ILK: variants seen among roughly 807,000 people sequenced by gnomAD.
ILK encodes integrin linked kinase.
In ILK, 37 loss-of-function variants were observed where a neutral mutation model predicts 57.8. The observed-to-expected ratio is 0.64, with a 90% CI of 0.49 to 0.84. ILK has a LOEUF of 0.84. ILK is among the 40% of genes least tolerant of loss of function. ILK has a pLI of 0.00. For missense variants in ILK, 528 were observed against 595.7 expected (o/e 0.89, Z 1.18); for synonymous variants, 231 against 202.2 (o/e 1.14, Z -1.21).
intron 2 of ILK, 41 bp downstream of exon 2, chr11:6,604,401 T>A (rs776853826): frequency 1.3e-6 from 2 of 1,536,466 alleles, no homozygotes; most frequent in African/African-American, 2.7e-5. Flanking sequence ...AGGCTAGAGA[T>A]CTCCTGGCTA....
At chr11:6,607,702 A>G in intron 2 of ILK, 1 of 352,644 alleles carries the variant, frequency 2.8e-6, no homozygotes, top group Non-Finnish European at 5.4e-6. Context: ...AAGTAGGGGG[A>G]CATATAAGAT....
rs1009043483 is a variant in ILK at position 6,604,080 on chromosome 11, C to T, written c.-92-100C>T. ...TTACCTCGCGTCTAGAGGACACAGC[C>T]AGGGATCATCCCGCAGCCCCGAACT... On this transcript the variant is annotated intron_variant, in intron 1 of 12. Coordinates refer to ENST00000299421, the MANE Select transcript of ILK (RefSeq NM_004517.4). The T allele has an allele frequency of 3.7e-5, 24 of 645,878 alleles. 1 individual carries two copies. The highest frequency in any genetic ancestry group is 1.4e-4 in the African/African-American group (8 of 55,958). 40.0% of individuals were successfully genotyped at this position (645,878 alleles called of 1,614,324 possible).
chr11:6,610,591 G>A lies in ILK; in HGVS notation c.1339G>A (p.Glu447Lys). The A allele has an allele frequency of 1.2e-6, 2 of 1,614,200 alleles. No homozygotes were observed. Among genetic ancestry groups the A allele is most frequent in the East Asian group, 2.2e-5 (1 of 44,888 alleles). The change falls in exon 13 of 13, where the codon GAG becomes AAG. Residue 447 changes from glutamate to lysine, a missense_variant. Transcript: ENST00000299421. ...ATTTGACATGATTGTGCCTATCCTT[G>A]AGAAGATGCAGGACAAGTAGGACTG... ...PKFDMIVPIL[E>K]KMQDK
Position 6,608,598 on chromosome 11 carries a change from T to TA in ILK, c.352-95dup. The TA allele has an allele frequency of 7.4e-7, 1 of 1,345,910 alleles. No homozygotes were observed. The highest frequency in any genetic ancestry group is 1.1e-6 in the Non-Finnish European group (1 of 935,518). 83.4% of individuals were successfully genotyped at this position (1,345,910 alleles called of 1,614,324 possible). ...TCTGTCAGTACTACTGTGTGACACT[T>TA]ACAGGATTAAGTTCTACATTTGTGC... On this transcript the variant is annotated intron_variant, in intron 4 of 12. Coordinates refer to ENST00000299421, the MANE Select transcript of ILK (RefSeq NM_004517.4). The surrounding 1 kb of genome is among the most constrained non-coding windows in gnomAD (Gnocchi z 4.9).
At chr11:6,605,356 A>G (rs1854770075) in intron 2 of ILK, among the ~76,000 whole-genome samples, 1 of 151,760 alleles carries the variant, frequency 6.6e-6, no homozygotes, top group South Asian at 2.1e-4. Flanking sequence ...ACGACAGAAA[A>G]GGAGCAACCG....
In ILK at chr11:6,603,796, G is replaced by A. The variant is rs374681833; in HGVS notation, c.-119G>A. The stretch of plus-strand genomic sequence containing the variant: ...GGCGCGGCCGGACGGGAGTTCCCCG[G>A]AGAAGGATCCTGCAGCCCGAGTCCC... On this transcript the variant is annotated 5_prime_UTR_variant, in exon 1 of 13. Transcript: ENST00000299421. 5.5e-6 allele frequency: 2 copies of A among 364,360 alleles called. No individual in the cohort carries two copies. The highest frequency in any genetic ancestry group is 4.9e-5 in the South Asian group (1 of 20,346). The allele number at this position is 364,360 out of a possible 1,614,324, so 22.6% of individuals were successfully genotyped here.
At position 6,609,544 on chromosome 11, in the gene ILK, TAG is replaced by T. The variant is rs1371220237; in HGVS notation, c.762_763del (p.Gly255CysfsTer28). Reference sequence around the variant, plus strand: ...TCGCATCCAAATGTGCTCCCAGTGCTAGGTGCCTGCCAGTCTCCACCTGCTCC... The same window carrying T: ...TCGCATCCAAATGTGCTCCCAGTGCTGTGCCTGCCAGTCTCCACCTGCTCC... On this transcript the variant is annotated frameshift_variant, in exon 9 of 13. Transcript: ENST00000299421. LOFTEE classifies it high-confidence loss of function. 1 of 1,614,064 alleles carries T rather than the reference TAG, an allele frequency of 6.2e-7. No homozygotes were observed. Among genetic ancestry groups the T allele is most frequent in the African/African-American group, 1.3e-5 (1 of 74,936 alleles).
chr11:6,604,440 TGGC>T, intron 2 of ILK, 80 bp downstream of exon 2: 1 of 1,318,748 alleles, frequency 7.6e-7, no homozygotes, highest in Non-Finnish European at 1.1e-6. Context: ...TGTCTGGTGG[TGGC>T]GGCTGCCTTT....
At chr11:6,603,849 T>A in intron 1 of ILK, 27 bp downstream of exon 1, 1 of 352,940 alleles carries the variant, frequency 2.8e-6, no homozygotes, top group South Asian at 4.1e-5. Context: ...CCGCGCCCCC[T>A]GTCACCCCTC....
In ILK at chr11:6,603,902, G is replaced by A. The variant is rs1488293859; in HGVS notation, c.-93+80G>A. On this transcript the variant is annotated intron_variant, in intron 1 of 12. Coordinates refer to ENST00000299421, the MANE Select transcript of ILK (RefSeq NM_004517.4). ...AGTAAGGAACGGAGCCAACCCTGGG[G>A]AGGACCCCCGGTCCCCTCTCCCAGA... The A allele has an allele frequency of 1.2e-5, 5 of 433,534 alleles. No individual in the cohort carries two copies. In the East Asian group the frequency reaches 1.8e-4, roughly 15 times the overall value. The allele number at this position is 433,534 out of a possible 1,614,324, so 26.9% of individuals were successfully genotyped here. A position where few individuals can be genotyped will look rare whatever the true frequency, so the allele number is the denominator to read the frequency against.
rs991236238 is a variant in ILK, at chr11:6,608,580, G to A, written c.351+91G>A. On this transcript the variant is annotated intron_variant, in intron 4 of 12. Coordinates refer to ENST00000299421, the MANE Select transcript of ILK (RefSeq NM_004517.4). This position sits in a 1 kb window ranked among gnomAD's most constrained non-coding sequence, Gnocchi z 4.9. ...TTGGAACCCTCAACCCATTCTGTCA[G>A]TACTACTGTGTGACACTTACAGGAT... 1.2e-5 allele frequency: 16 copies of A among 1,333,062 alleles called. No homozygotes were observed. Among genetic ancestry groups the A allele is most frequent in the African/African-American group, 2.9e-5 (2 of 69,350 alleles). 82.6% of individuals were successfully genotyped at this position (1,333,062 alleles called of 1,614,324 possible).
chr11:6,603,878 G>C (rs1052457113), intron 1 of ILK, 56 bp downstream of exon 1: 21 of 390,280 alleles, frequency 5.4e-5, no homozygotes, highest in African/African-American at 4.3e-4. Context: ...TGAGTCCCAA[G>C]TAAGGAACGG....
At chr11:6,605,252 A>G (rs1016998363) in intron 2 of ILK, among the ~76,000 whole-genome samples, 1 of 152,214 alleles carries the variant, frequency 6.6e-6, no homozygotes, top group African/African-American at 2.4e-5. Flanking sequence ...TAGCATATAT[A>G]TATCATATAT....
chr11:6,610,251 C>T lies in ILK; in HGVS notation c.1182C>T (p.Asp394=), dbSNP rs1855366754. 1 of 1,614,072 alleles carries T rather than the reference C, an allele frequency of 6.2e-7. No homozygotes were observed. The highest frequency in any genetic ancestry group is 1.7e-5 in the Admixed American group (1 of 60,004). ...TGACACGGGAGGTACCCTTTGCTGA[C>T]CTCTCCAATATGGAGATTGGAATGA... ...ELVTREVPFA[D]LSNMEIGMKV... is the part of the protein sequence containing the mutation. Residue 394 remains aspartate, a synonymous_variant, in exon 12 of 13, where the codon GAC becomes GAT. Coordinates refer to ENST00000299421, the MANE Select transcript of ILK (RefSeq NM_004517.4).
At position 6,608,188 on chromosome 11, in the gene ILK, G is replaced by T; in HGVS notation, c.232G>T (p.Gly78Ter). ...DTPLHLAASH[G>*]HRDIVQKLLQ... is the part of the protein sequence containing the mutation. Reference sequence around the variant, plus strand: ...CCCCCTGCATCTGGCAGCCAGTCATGGACACCGTGATATTGTACAGAAGGT... The same window carrying T: ...CCCCCTGCATCTGGCAGCCAGTCATTGACACCGTGATATTGTACAGAAGGT... Residue 78 changes from glycine to a stop codon, truncating the protein, a stop_gained, in exon 3 of 13, where the codon GGA becomes TGA. Transcript: ENST00000299421. LOFTEE classifies it high-confidence loss of function. This position sits in a 1 kb window ranked among gnomAD's most constrained non-coding sequence, Gnocchi z 4.9. 6.2e-7 allele frequency: 1 copy of T among 1,614,174 alleles called. No homozygotes were observed. Among genetic ancestry groups the T allele is most frequent in the South Asian group, 1.1e-5 (1 of 91,082 alleles).
At chr11:6,609,478 G>C in intron 8 of ILK, 34 bp from the exon 9 acceptor site, 2 of 1,614,100 alleles carry the variant, frequency 1.2e-6, no homozygotes, top group Non-Finnish European at 1.7e-6. Context: ...GAGATCTTTT[G>C]TACTGGGTCT....
chr11:6,609,875 G>A, intron 10 of ILK, 30 bp downstream of exon 10: 1 of 1,614,174 alleles, frequency 6.2e-7, no homozygotes. Context: ...CCTGGCCCAG[G>A]CCCCAAAAGC....
chr11:6,604,590 T>C (rs572919865), intron 2 of ILK: 5 of 616,982 alleles, frequency 8.1e-6, no homozygotes, highest in African/African-American at 3.6e-5. Context: ...CCAGCCTCAG[T>C]AGACTGCATG....
intron 2 of ILK, chr11:6,607,764 A>T: frequency 2.1e-6 from 1 of 470,754 alleles, no homozygotes; most frequent in Admixed American, 3.4e-5. Context: ...GTGCAAGAGA[A>T]ACCAGGGGAA....
Sources: allele counts gnomAD v4.1 joint callset (sites outside exome capture counted in the v4.1 genomes callset), GRCh38; gene constraint gnomAD v4.1.1; non-coding constraint Gnocchi (gnomAD v3.1); transcripts MANE v1.5; gene names NCBI Gene and HGNC (gene_info 2026-07-23, HGNC 2026-07-21).